LAMA3: variants seen among roughly 807,000 people sequenced by gnomAD.
LAMA3 encodes laminin subunit alpha-3.
In LAMA3, 281 loss-of-function variants were observed where a neutral mutation model predicts 402.0. The observed-to-expected ratio is 0.70, with a 90% CI of 0.63 to 0.77. The LOEUF is 0.77. Among genes scored for constraint, LAMA3 ranks in the 30% least tolerant of loss-of-function variants. The pLI, the probability that LAMA3 is intolerant of heterozygous loss-of-function variation, is 0.00. For missense variants in LAMA3, 3,840 were observed against 4,215.5 expected (o/e 0.91, Z 2.47); for synonymous variants, 1,431 against 1,558.4 (o/e 0.92, Z 1.93).
intron 11 of LAMA3, among the ~76,000 whole-genome samples, chr18:23,778,693 T>G (rs1053780258): frequency 9.9e-5 from 15 of 152,150 alleles, no homozygotes; most frequent in Admixed American, 7.9e-4. Flanking sequence ...TCTCCTGAGT[T>G]TGCCTCTCCT....
chr18:23,710,081 C>T (rs1198226189), intron 1 of LAMA3: 9 of 744,400 alleles, frequency 1.2e-5, no homozygotes, highest in Non-Finnish European at 2.2e-5. Flanking sequence ...AGTGGTCAAG[C>T]TTGTTCTCCT....
intron 6 of LAMA3, 95 bp downstream of exon 6, chr18:23,753,907 T>C: frequency 1.2e-6 from 1 of 829,022 alleles, no homozygotes. Context: ...TCTAGGTTCC[T>C]GTCCTCAATA....
At chr18:23,692,199 A>G (rs2060602227) in intron 1 of LAMA3, among the ~76,000 whole-genome samples, 1 of 152,196 alleles carries the variant, frequency 6.6e-6, no homozygotes, top group South Asian at 2.1e-4. Context: ...AGAAGTAGAA[A>G]CTTGGCCGGT....
intron 65 of LAMA3, 62 bp downstream of exon 65, chr18:23,931,263 A>C: frequency 2.0e-6 from 3 of 1,522,626 alleles, no homozygotes; most frequent in Non-Finnish European, 2.7e-6. Flanking sequence ...CGTTTAATGG[A>C]ATTTTCTGGT....
At chr18:23,818,813 T>C (rs972526471) in intron 18 of LAMA3, among the ~76,000 whole-genome samples, 1 of 152,180 alleles carries the variant, frequency 6.6e-6, no homozygotes, top group African/African-American at 2.4e-5. Context: ...CATCATATTG[T>C]AAATATTTCC....
intron 60 of LAMA3, among the ~76,000 whole-genome samples, chr18:23,919,742 G>A (rs1224809308): frequency 6.6e-6 from 1 of 152,090 alleles, no homozygotes; most frequent in Admixed American, 6.5e-5. Flanking sequence ...AGAGCCAGAG[G>A]CAGTGCTGAG....
chr18:23,702,484 C>T (rs374298887), intron 1 of LAMA3, among the ~76,000 whole-genome samples: 26 of 152,136 alleles, frequency 1.7e-4, no homozygotes, highest in Admixed American at 3.9e-4. Context: ...CCACCATGCC[C>T]GGCTAATTTT....
chr18:23,881,718 A>C (rs777450309), intron 39 of LAMA3, among the ~76,000 whole-genome samples: 1 of 152,184 alleles, frequency 6.6e-6, no homozygotes, highest in Non-Finnish European at 1.5e-5. Context: ...TCACGCTGCC[A>C]ATGTTAAGCA....
chr18:23,705,354 T>G (rs1223908244), intron 1 of LAMA3, among the ~76,000 whole-genome samples: 1 of 152,052 alleles, frequency 6.6e-6, no homozygotes, highest in Non-Finnish European at 1.5e-5. Flanking sequence ...ACACTCAGTT[T>G]ATGAGATATT....
At position 23,914,547 on chromosome 18, in the gene LAMA3, G is replaced by A. The variant is rs1369003240; in HGVS notation, c.7467G>A (p.Arg2489=). The change falls in exon 57 of 75, where the codon CGG becomes CGA. Residue 2489 remains arginine (R), a synonymous_variant. Coordinates refer to ENST00000313654, the MANE Select transcript of LAMA3 (RefSeq NM_198129.4). ...AGACTAAGGAGGCAGTTATGGATCG[G>A]GTGAAATTTCAGAGGTACAAGTCTG... ...KSETKEAVMD[R]VKFQRIYQFA... The A allele has an allele frequency of 6.2e-7, 1 of 1,614,076 alleles. No individual in the cohort carries two copies. Among genetic ancestry groups the A allele is most frequent in the East Asian group, 2.2e-5 (1 of 44,878 alleles).
intron 8 of LAMA3, among the ~76,000 whole-genome samples, chr18:23,767,319 G>C (rs1397780210): frequency 6.6e-6 from 1 of 152,086 alleles, no homozygotes; most frequent in Non-Finnish European, 1.5e-5. Context: ...CAGATTCAAC[G>C]CTATTTCTAT....
intron 50 of LAMA3, among the ~76,000 whole-genome samples, chr18:23,904,344 A>G (rs1014884895): frequency 1.4e-4 from 21 of 152,132 alleles, no homozygotes; most frequent in African/African-American, 4.8e-4. Flanking sequence ...AAATGCGAAG[A>G]GGCTGGGCTC....
intron 7 of LAMA3, among the ~76,000 whole-genome samples, chr18:23,762,915 G>A (rs1349456802): frequency 2.0e-5 from 3 of 151,350 alleles, no homozygotes; most frequent in Non-Finnish European, 4.4e-5. Flanking sequence ...GGAGTGCAGT[G>A]GCGAGATCTT....
intron 12 of LAMA3, among the ~76,000 whole-genome samples, chr18:23,788,088 A>G (rs1444184623): frequency 1.3e-5 from 2 of 152,066 alleles, no homozygotes; most frequent in Non-Finnish European, 2.9e-5. Flanking sequence ...AAATGACACC[A>G]AATCTATAGG....
chr18:23,902,293 C>T (rs1483034722), intron 48 of LAMA3, among the ~76,000 whole-genome samples: 1 of 151,970 alleles, frequency 6.6e-6, no homozygotes, highest in Admixed American at 6.6e-5. Flanking sequence ...CATTATCGAG[C>T]CACTGCACTT....
At position 23,766,143 on chromosome 18, in the gene LAMA3, T is replaced by A. The variant is rs567144160; in HGVS notation, c.1182+2620T>A. ...ACCTGGAGAAATACAAAGAAAATAA[T>A]TCCTAGGCCTAGTGGAGTCAAACTG... On this transcript the variant is annotated intron_variant, in intron 8 of 74. Transcript: ENST00000313654. Among the ~76,000 whole-genome samples the A allele has an allele frequency of 1.3e-4, 20 of 152,166 alleles. No individual in the cohort carries two copies. In the East Asian group the frequency reaches 3.5e-3, roughly 26 times the overall value.
intron 32 of LAMA3, among the ~76,000 whole-genome samples, chr18:23,851,778 T>C (rs1432940429): frequency 6.6e-6 from 1 of 152,202 alleles, no homozygotes; most frequent in Admixed American, 6.5e-5. Flanking sequence ...TGGGTTCTCT[T>C]ATTGACTTTA....
Position 23,857,976 on chromosome 18 carries a change from TTG to T in LAMA3, c.4270_4271del (p.Cys1424ProfsTer12), listed in dbSNP as rs1211267831. 2 of 1,614,038 alleles carry T rather than the reference TTG, an allele frequency of 1.2e-6. No homozygotes were observed. The highest frequency in any genetic ancestry group is 1.3e-5 in the African/African-American group (1 of 74,910). On this transcript the variant is annotated frameshift_variant, in exon 33 of 75. Transcript: ENST00000313654. LOFTEE classifies it high-confidence loss of function. Reference sequence around the variant, plus strand: ...GAGTGTGTGACCCAGGGACCGGGGCTTGCCTCTGCAAGGTAAGAGAGATCGTG... The same window carrying T: ...GAGTGTGTGACCCAGGGACCGGGGCTCCTCTGCAAGGTAAGAGAGATCGTG... Reference protein sequence around the residue: ...PGVCDPGTGACLCKENVEGTE... With the variant: ...PGVCDPGTGAXLCKENVEGTE...
chr18:23,898,433 G>T (rs1199238224), intron 44 of LAMA3: 1 of 332,146 alleles, frequency 3.0e-6, no homozygotes, highest in Non-Finnish European at 5.5e-6. Context: ...ATTTATTATA[G>T]AATCTGGAAA....
Sources: gnomAD v4.1 joint callset for allele counts (sites outside exome capture counted in the v4.1 genomes callset) on GRCh38, gnomAD v4.1.1 for gene constraint, MANE v1.5 for transcripts, NCBI Gene and HGNC (gene_info 2026-07-23, HGNC 2026-07-21) for gene names.